RORB: variants seen among roughly 807,000 people sequenced by gnomAD.
RORB encodes RAR related orphan receptor B.
In RORB, 6 loss-of-function variants were observed where a neutral mutation model predicts 59.1. That is an observed-to-expected ratio of 0.10 (90% confidence interval 0.06 to 0.20). RORB has a LOEUF of 0.20. Among genes scored for constraint, RORB ranks in the 10% least tolerant of loss-of-function variants. RORB has a pLI of 1.00. For synonymous variants in RORB, 215 were observed against 204.5 expected (o/e 1.05, Z -0.44); for missense variants, 320 against 560.5 (o/e 0.57, Z 4.33).
chr9:74,500,040 A>G lies in RORB; in HGVS notation c.7+2057A>G, dbSNP rs1825785553. Among the ~76,000 whole-genome samples, 3 of 152,154 alleles carry G rather than the reference A, an allele frequency of 2.0e-5. No individual in the cohort carries two copies. In the South Asian group the frequency reaches 6.2e-4, roughly 32 times the overall value. ...CGGCGGTCGCTTTGAGGACTCCAGA[A>G]GCTGGAAGGATTGAAAGCCAGGCGC... is the stretch of plus-strand genomic sequence containing the variant. On this transcript the variant is annotated intron_variant, in intron 1 of 9. Coordinates refer to ENST00000376896, the MANE Select transcript of RORB (RefSeq NM_006914.4).
At chr9:74,652,332 A>T (rs909830679) in intron 4 of RORB, among the ~76,000 whole-genome samples, 1 of 152,070 alleles carries the variant, frequency 6.6e-6, no homozygotes, top group Non-Finnish European at 1.5e-5. Context: ...CCCTTAAGCC[A>T]GGGAAGCAGA....
intron 6 of RORB, 83 bp downstream of exon 6, chr9:74,662,689 C>A (rs1399588525): frequency 7.0e-7 from 1 of 1,432,064 alleles, no homozygotes; most frequent in East Asian, 2.3e-5. Flanking sequence ...AGAAAATCCT[C>A]CTTCCGATAT....
chr9:74,571,065 T>C (rs1295807637), intron 1 of RORB, among the ~76,000 whole-genome samples: 1 of 151,910 alleles, frequency 6.6e-6, no homozygotes, highest in African/African-American at 2.4e-5. Context: ...TGGAGAAATG[T>C]GTGCATTAAA....
chr9:74,642,853 T>C (rs1163734439), intron 4 of RORB, 38 bp downstream of exon 4: 1 of 1,507,246 alleles, frequency 6.6e-7, no homozygotes, highest in East Asian at 2.3e-5. Flanking sequence ...TTTTTTGAGA[T>C]TTTGCTTTGA....
intron 1 of RORB, among the ~76,000 whole-genome samples, chr9:74,604,757 G>T (rs1327781244): frequency 6.6e-6 from 1 of 152,096 alleles, no homozygotes; most frequent in Non-Finnish European, 1.5e-5. Context: ...TCTTTGATAT[G>T]ACATTTATCA....
intron 3 of RORB, 149 bp downstream of exon 3, chr9:74,634,921 A>T: frequency 1.4e-6 from 1 of 705,410 alleles, no homozygotes; most frequent in Non-Finnish European, 2.3e-6. Context: ...TTACAAGGAA[A>T]AGTAAGAATA....
rs374373590 is a variant in RORB, at chr9:74,685,454, G to A, written c.1225-9G>A. ...TCTCTATCTCCCTCTCTGTCTCTCCGTTCTGCAGTTAATAGCCAAGATACC... is the reference window on the plus strand; with the variant it reads ...TCTCTATCTCCCTCTCTGTCTCTCCATTCTGCAGTTAATAGCCAAGATACC... On this transcript the variant is annotated splice_polypyrimidine_tract_variant and intron_variant, in intron 9 of 9. Transcript: ENST00000376896. 86 of 1,603,396 alleles carry A rather than the reference G, an allele frequency of 5.4e-5. No homozygotes were observed. The highest frequency in any genetic ancestry group is 4.0e-4 in the South Asian group (36 of 89,654).
intron 4 of RORB, among the ~76,000 whole-genome samples, chr9:74,645,488 T>A (rs1312999626): frequency 6.6e-6 from 1 of 152,188 alleles, no homozygotes; most frequent in Non-Finnish European, 1.5e-5. Flanking sequence ...GTCTCAGTTG[T>A]TAACCCAGGC....
In RORB at chr9:74,497,826, C is replaced by T; in HGVS notation, c.-151C>T. 3 of 847,904 alleles carry T rather than the reference C, an allele frequency of 3.5e-6. No homozygotes were observed. The East Asian group carries it at 8.0e-5, about 23-fold the overall frequency. 52.5% of individuals were successfully genotyped at this position (847,904 alleles called of 1,614,324 possible). A position where few individuals can be genotyped will look rare whatever the true frequency, so the allele number is the denominator to read the frequency against. On this transcript the variant is annotated 5_prime_UTR_variant, in exon 1 of 10. Coordinates refer to ENST00000376896, the MANE Select transcript of RORB (RefSeq NM_006914.4). ...GGCGGCGGCAAACGTCACCCTGCAGCCACGGCGTCCGCCTAAAGGGATGGT... is the reference window on the plus strand; with the variant it reads ...GGCGGCGGCAAACGTCACCCTGCAGTCACGGCGTCCGCCTAAAGGGATGGT...
chr9:74,634,594 T>C, intron 2 of RORB, 37 bp from the exon 3 acceptor site: 1 of 1,557,084 alleles, frequency 6.4e-7, no homozygotes, highest in South Asian at 1.2e-5. Context: ...TCCCTTCTTA[T>C]AAATCTGTTT....
chr9:74,596,330 TC>T (rs895290618), intron 1 of RORB, among the ~76,000 whole-genome samples: 9 of 152,196 alleles, frequency 5.9e-5, no homozygotes, highest in Non-Finnish European at 1.0e-4. Context: ...AGGGTCACCA[TC>T]AGCACAGTCA....
At chr9:74,562,684 A>G (rs1822412667) in intron 1 of RORB, among the ~76,000 whole-genome samples, 2 of 152,216 alleles carry the variant, frequency 1.3e-5, no homozygotes, top group African/African-American at 2.4e-5. Context: ...ATCAGTCAAC[A>G]TGGACACTGG....
At chr9:74,587,718 C>T (rs1238877858) in intron 1 of RORB, among the ~76,000 whole-genome samples, 1 of 152,164 alleles carries the variant, frequency 6.6e-6, no homozygotes, top group African/African-American at 2.4e-5. Context: ...TGGGCTTTTT[C>T]ACATGTGATC....
At chr9:74,640,940 C>A (rs1407139480) in intron 3 of RORB, among the ~76,000 whole-genome samples, 1 of 152,178 alleles carries the variant, frequency 6.6e-6, no homozygotes, top group African/African-American at 2.4e-5. Context: ...TCCCTTTGTG[C>A]TAGAGAGTTC....
intron 1 of RORB, among the ~76,000 whole-genome samples, chr9:74,557,140 T>C (rs1488318101): frequency 1.3e-5 from 2 of 152,146 alleles, no homozygotes; most frequent in African/African-American, 4.8e-5. Context: ...CATTATCAGA[T>C]TGAATCAGTC....
intron 1 of RORB, among the ~76,000 whole-genome samples, chr9:74,516,444 T>G (rs190039280): frequency 6.6e-6 from 1 of 151,966 alleles, no homozygotes; most frequent in Non-Finnish European, 1.5e-5. Context: ...AAGCAGAGAT[T>G]TGGTTATTAG....
At chr9:74,680,808 C>T (rs1187661340) in intron 9 of RORB, among the ~76,000 whole-genome samples, 1 of 152,122 alleles carries the variant, frequency 6.6e-6, no homozygotes, top group Non-Finnish European at 1.5e-5. Context: ...CTGCTTTAGG[C>T]TGGAGGGCAT....
At chr9:74,582,352 C>A (rs1381203855) in intron 1 of RORB, among the ~76,000 whole-genome samples, 1 of 152,060 alleles carries the variant, frequency 6.6e-6, no homozygotes, top group Non-Finnish European at 1.5e-5. Context: ...AAGAACTAGT[C>A]AAGAGGGCAA....
intron 1 of RORB, among the ~76,000 whole-genome samples, chr9:74,536,628 T>TC (rs1826326605): frequency 3.3e-5 from 5 of 152,020 alleles, no homozygotes; most frequent in Admixed American, 3.3e-4. Flanking sequence ...ACTCTGACTG[T>TC]CCCGTAGCAA....
Sources: allele counts gnomAD v4.1 joint callset (sites outside exome capture counted in the v4.1 genomes callset), GRCh38; gene constraint gnomAD v4.1.1; transcripts MANE v1.5; gene names NCBI Gene and HGNC (gene_info 2026-07-23, HGNC 2026-07-21).